Variants in PDCD4 observed in about 807,000 individuals in gnomAD.
PDCD4 encodes the protein programmed cell death protein 4.
In PDCD4, 56 loss-of-function variants were observed where a neutral mutation model predicts 54.0. The ratio of observed to expected loss-of-function variants is 1.04; its 90% CI spans 0.84 to 1.30. The LOEUF is 1.30. Among genes scored for constraint, PDCD4 ranks in the 50% most tolerant of loss-of-function variants. The pLI, the probability that PDCD4 is intolerant of heterozygous loss-of-function variation, is 0.00. For missense variants in PDCD4, 584 were observed against 559.8 expected (o/e 1.04, Z -0.44); for synonymous variants, 186 against 194.8 (o/e 0.95, Z 0.37).
intron 10 of PDCD4, 31 bp downstream of exon 10, chr10:110,894,553 T>A: frequency 2.2e-6 from 2 of 927,090 alleles, no homozygotes; most frequent in Non-Finnish European, 3.5e-6. Context: ...GAACAACTTG[T>A]AGGATTATGT....
At chr10:110,886,612 T>C (rs909976543) in intron 5 of PDCD4, among the ~76,000 whole-genome samples, 2 of 152,132 alleles carry the variant, frequency 1.3e-5, no homozygotes, top group Non-Finnish European at 2.9e-5. Flanking sequence ...AATTAGAACT[T>C]AGCTTCTAGA....
intron 11 of PDCD4, among the ~76,000 whole-genome samples, chr10:110,897,206 ATTGT>A (rs1181210640): frequency 6.6e-6 from 1 of 152,114 alleles, no homozygotes; most frequent in Non-Finnish European, 1.5e-5. Flanking sequence ...TGAAAGTCTG[ATTGT>A]TTCTGTGTGG....
At position 110,872,128 on chromosome 10, in the gene PDCD4, G is replaced by T. The variant is rs900391226; in HGVS notation, c.-63+110G>T. 2.0e-5 allele frequency: 3 copies of T among 152,412 alleles called. No homozygotes were observed. In the Middle Eastern group the frequency reaches 0.01, roughly 518 times the overall value. The allele number at this position is 152,412 out of a possible 1,614,324, so 9.4% of individuals were successfully genotyped here. A position where few individuals can be genotyped will look rare whatever the true frequency, so the allele number is the denominator to read the frequency against. ...AGGGGGCGGGGGCGGAGGCGTGGGGGTCGCGGTCCTGTCAGGTCCGGGCCT... is the reference window on the plus strand; with the variant it reads ...AGGGGGCGGGGGCGGAGGCGTGGGGTTCGCGGTCCTGTCAGGTCCGGGCCT... On this transcript the variant is annotated intron_variant, in intron 1 of 11. Transcript: ENST00000280154.
At chr10:110,872,771 C>T (rs995099147) in intron 1 of PDCD4, among the ~76,000 whole-genome samples, 1 of 152,178 alleles carries the variant, frequency 6.6e-6, no homozygotes, top group South Asian at 2.1e-4. Context: ...CCAGAGAAAA[C>T]AAAGCCGGGA....
intron 2 of PDCD4, 72 bp from the exon 3 acceptor site, chr10:110,881,161 C>T (rs1845584038): frequency 2.6e-6 from 3 of 1,133,218 alleles, no homozygotes; most frequent in South Asian, 1.5e-5. Flanking sequence ...CCTAATCTAA[C>T]TTACCACTAT....
chr10:110,888,067 T>C (rs1342683565), intron 6 of PDCD4, among the ~76,000 whole-genome samples, 181 bp downstream of exon 6: 1 of 152,140 alleles, frequency 6.6e-6, no homozygotes, highest in African/African-American at 2.4e-5. Context: ...TTTTTAAACA[T>C]GGTCTTCATC....
At position 110,885,303 on chromosome 10, in the gene PDCD4, T is replaced by C. The variant is rs1160752097; in HGVS notation, c.492T>C (p.Phe164=). Residue 164 remains phenylalanine (F), a synonymous_variant, in exon 5 of 12, where the codon TTT becomes TTC. Transcript: ENST00000280154. ...TTTTGCCTTTGGATGAAAGGGCATT[T>C]GAGAAGACTTTAACACCAATCATAC... ...TVVLPLDERA[F]EKTLTPIIQE... 3 of 1,602,564 alleles carry C rather than the reference T, an allele frequency of 1.9e-6. No homozygotes were observed. Among genetic ancestry groups the C allele is most frequent in the Non-Finnish European group, 2.6e-6 (3 of 1,171,124 alleles).
intron 2 of PDCD4, chr10:110,876,665 C>A (rs1363707997): frequency 2.0e-6 from 2 of 989,302 alleles, no homozygotes; most frequent in Non-Finnish European, 2.7e-6. Flanking sequence ...TTCTAAATTA[C>A]CTAGGGTATT....
At chr10:110,872,466 C>T (rs1181526908) in intron 1 of PDCD4, among the ~76,000 whole-genome samples, 2 of 152,232 alleles carry the variant, frequency 1.3e-5, no homozygotes, top group African/African-American at 2.4e-5. Flanking sequence ...GCCCCCTGCC[C>T]TCCCTGGGAA....
chr10:110,879,253 A>G (rs748372535), intron 2 of PDCD4, among the ~76,000 whole-genome samples: 1 of 152,122 alleles, frequency 6.6e-6, no homozygotes, highest in African/African-American at 2.4e-5. Context: ...AATCCCTCCC[A>G]TCTCTTCCCT....
chr10:110,887,358 A>G (rs11195367), intron 5 of PDCD4, among the ~76,000 whole-genome samples: 11,451 of 152,214 alleles, frequency 0.075, 854 homozygotes, highest in East Asian at 0.33. Flanking sequence ...GAAATCACCT[A>G]AATGGTGAAT....
Position 110,889,516 on chromosome 10 carries a change from T to G in PDCD4, c.778-17T>G, listed in dbSNP as rs751443539. The G allele has an allele frequency of 1.4e-6, 2 of 1,438,534 alleles. No individual in the cohort carries two copies. The highest frequency in any genetic ancestry group is 9.6e-7 in the Non-Finnish European group (1 of 1,037,600). 89.1% of individuals were successfully genotyped at this position (1,438,534 alleles called of 1,614,324 possible). A position where few individuals can be genotyped will look rare whatever the true frequency, so the allele number is the denominator to read the frequency against. Reference sequence around the variant, plus strand: ...ATTTAACTTTTTTTATAGCTCTTTTTTTTTTCCTTTTTACAGTTGGTGGGC... The same window carrying G: ...ATTTAACTTTTTTTATAGCTCTTTTGTTTTTCCTTTTTACAGTTGGTGGGC... On this transcript the variant is annotated splice_polypyrimidine_tract_variant and intron_variant, in intron 6 of 11. Coordinates refer to ENST00000280154, the MANE Select transcript of PDCD4 (RefSeq NM_014456.5).
intron 4 of PDCD4, among the ~76,000 whole-genome samples, chr10:110,884,230 C>G (rs933700245): frequency 2.0e-5 from 3 of 152,172 alleles, no homozygotes; most frequent in African/African-American, 7.2e-5. Flanking sequence ...ATACACTACT[C>G]GTGCATTCGT....
At position 110,898,019 on chromosome 10, in the gene PDCD4, TCATTACAG is replaced by T; in HGVS notation, c.1350-8_1350-1del. The T allele has an allele frequency of 6.4e-7, 1 of 1,573,752 alleles. No individual in the cohort carries two copies. Among genetic ancestry groups the T allele is most frequent in the African/African-American group, 1.4e-5 (1 of 73,538 alleles). On this transcript the variant is annotated splice_acceptor_variant and splice_polypyrimidine_tract_variant and intron_variant, in intron 11 of 11. Coordinates refer to ENST00000280154, the MANE Select transcript of PDCD4 (RefSeq NM_014456.5). LOFTEE classifies it high-confidence loss of function. ...TCTGTTTTCATGTCTTTTTTTTTCT[TCATTACAG>T]GGGCAGAAAGCGTTTTGTAAGCGAA... is the stretch of plus-strand genomic sequence containing the variant.
chr10:110,886,447 C>T (rs751724251), intron 5 of PDCD4, among the ~76,000 whole-genome samples: 2 of 152,014 alleles, frequency 1.3e-5, no homozygotes, highest in South Asian at 2.1e-4. Context: ...TGTTAAAGTG[C>T]GGTCAAGGAA....
In PDCD4 at chr10:110,872,884, C is replaced by T. The variant is rs563051464; in HGVS notation, c.-63+866C>T. Among the ~76,000 whole-genome samples the T allele has an allele frequency of 1.1e-4, 16 of 152,176 alleles. 1 individual carries two copies. The highest frequency in any genetic ancestry group is 7.4e-5 in the Non-Finnish European group (5 of 68,010). On this transcript the variant is annotated intron_variant, in intron 1 of 11. Coordinates refer to ENST00000280154, the MANE Select transcript of PDCD4 (RefSeq NM_014456.5). ...CAAGAGCTTCAAAACTGTCTGCAGA[C>T]GTCAATTTCGCCCCCCTCCCCCTTG...
At chr10:110,877,283 A>T (rs969406379) in intron 2 of PDCD4, among the ~76,000 whole-genome samples, 6 of 152,140 alleles carry the variant, frequency 3.9e-5, no homozygotes, top group Non-Finnish European at 7.4e-5. Flanking sequence ...CACTAGCTAC[A>T]TGTGGTTATT....
In PDCD4 at chr10:110,894,130, A is replaced by G. The variant is rs1206764549; in HGVS notation, c.1030A>G (p.Ile344Val). ...GAAAGAATATTTACTCTCTGGAGAC[A>G]TATCTGAAGCTGAACATTGCCTTAA... ...LLKEYLLSGDISEAEHCLKEL... is the reference protein window; with the variant it reads ...LLKEYLLSGDVSEAEHCLKEL... Residue 344 changes from isoleucine to valine, a missense_variant, in exon 9 of 12, where the codon ATA becomes GTA. By Grantham distance (29) the Ile-to-Val change is conservative (BLOSUM62 3). Coordinates refer to ENST00000280154, the MANE Select transcript of PDCD4 (RefSeq NM_014456.5). The G allele has an allele frequency of 1.9e-6, 3 of 1,609,182 alleles. No individual in the cohort carries two copies. Among genetic ancestry groups the G allele is most frequent in the Non-Finnish European group, 2.6e-6 (3 of 1,175,824 alleles).
chr10:110,887,955 A>G (rs534481623), intron 6 of PDCD4, 69 bp downstream of exon 6: 2 of 1,025,992 alleles, frequency 1.9e-6, no homozygotes, highest in South Asian at 1.5e-5. Flanking sequence ...AATAATGTAT[A>G]CTCCTAGGAA....
Sources: allele counts gnomAD v4.1 joint callset (sites outside exome capture counted in the v4.1 genomes callset), GRCh38; gene constraint gnomAD v4.1.1; transcripts MANE v1.5; gene names NCBI Gene and HGNC (gene_info 2026-07-23, HGNC 2026-07-21).